The following KRABD3 variants were observed in gnomAD, a reference collection of about 807,000 sequenced individuals.
KRABD3 encodes KRAB domain containing 3, also known as KRAB domain-containing protein 3.
At chr7:149,720,212 C>A in the KRABD3 span, 1 of 1,451,370 alleles carries the variant, frequency 6.9e-7, no homozygotes, top group Non-Finnish European at 9.3e-7. Context: ...CCTACTCAGT[C>A]CAGCCTCTCA....
At chr7:149,715,350 G>A in the KRABD3 span, 2 of 1,193,848 alleles carry the variant, frequency 1.7e-6, no homozygotes, top group East Asian at 3.5e-5. Flanking sequence ...CTCGGAGGCA[G>A]TGAGTAAATC....
chr7:149,730,299 G>A, the KRABD3 span: 1 of 1,550,144 alleles, frequency 6.5e-7, no homozygotes, highest in South Asian at 1.2e-5. Flanking sequence ...TGAAGGAGAA[G>A]ACCCGAGGCC....
the KRABD3 span, chr7:149,734,310 C>A: frequency 4.0e-6 from 2 of 501,444 alleles, no homozygotes; most frequent in Non-Finnish European, 7.1e-6. Flanking sequence ...GTCTTTCCCA[C>A]TGGAGCCGCC....
At chr7:149,726,773 A>G in the KRABD3 span, among the ~76,000 whole-genome samples, 2 of 152,002 alleles carry the variant, frequency 1.3e-5, no homozygotes, top group Non-Finnish European at 2.9e-5. Context: ...TGGGTGGAGT[A>G]GCACCTGTAG....
At chr7:149,723,906 G>A in the KRABD3 span, 1 of 1,611,014 alleles carries the variant, frequency 6.2e-7, no homozygotes, top group African/African-American at 1.3e-5. Context: ...GCTTCTCGCT[G>A]GGCTGGGAGG....
the KRABD3 span, among the ~76,000 whole-genome samples, chr7:149,723,326 C>T: frequency 7.9e-5 from 12 of 152,340 alleles, no homozygotes; most frequent in Middle Eastern, 6.8e-3. Context: ...GAGTCAGACC[C>T]GGAGAGGCTC....
At chr7:149,725,238 G>A in the KRABD3 span, 4 of 1,417,260 alleles carry the variant, frequency 2.8e-6, no homozygotes, top group African/African-American at 1.4e-5. Flanking sequence ...AGCACGTCGG[G>A]TAGAGCCAGC....
chr7:149,719,615 C>G, the KRABD3 span: 1 of 1,607,118 alleles, frequency 6.2e-7, no homozygotes, highest in East Asian at 2.2e-5. This position sits in a 1 kb window ranked among gnomAD's most constrained non-coding sequence, Gnocchi z 5.6. Context: ...GGAGGAGGGG[C>G]AGAGGGAGTT....
chr7:149,731,792 C>T, the KRABD3 span: 3 of 1,583,078 alleles, frequency 1.9e-6, no homozygotes, highest in South Asian at 3.4e-5. Flanking sequence ...CTGGTGGCTT[C>T]CCCCATTCCC....
chr7:149,723,968 C>G, the KRABD3 span: 1 of 1,484,364 alleles, frequency 6.7e-7, no homozygotes, highest in Non-Finnish European at 9.2e-7. Flanking sequence ...TAGGTGGCCC[C>G]CACCACAAAC....
the KRABD3 span, chr7:149,733,968 T>C: frequency 1.2e-6 from 2 of 1,607,516 alleles, no homozygotes; most frequent in African/African-American, 1.3e-5. Context: ...CCGAGCAGCC[T>C]GCTGGGAGGA....
At chr7:149,721,035 C>T in the KRABD3 span, 29 of 1,602,368 alleles carry the variant, frequency 1.8e-5, no homozygotes, top group Middle Eastern at 3.3e-4. Flanking sequence ...CTCTGCACTC[C>T]GCATGATGAA....
the KRABD3 span, chr7:149,725,805 T>C: frequency 2.3e-6 from 3 of 1,327,456 alleles, no homozygotes; most frequent in Non-Finnish European, 3.0e-6. Context: ...GGCAGGGTCT[T>C]CTGGTGCCCG....
chr7:149,733,231 C>T, the KRABD3 span: 3 of 1,607,904 alleles, frequency 1.9e-6, no homozygotes, highest in Admixed American at 3.3e-5. Flanking sequence ...GGCTGCTCCC[C>T]CAGGGCCCGC....
At chr7:149,722,175 CG>C in the KRABD3 span, 1 of 540,806 alleles carries the variant, frequency 1.8e-6, no homozygotes, top group African/African-American at 1.9e-5. Flanking sequence ...TCAAGGCTGC[CG>C]GCATCACTTC....
chr7:149,719,733 G>A, the KRABD3 span: 41 of 1,548,882 alleles, frequency 2.6e-5, no homozygotes, highest in African/African-American at 2.7e-4. The surrounding 1 kb of genome is among the most constrained non-coding windows in gnomAD (Gnocchi z 5.6). Context: ...AAGGGAGGCC[G>A]GAGTCCCTGG....
chr7:149,730,065 C>T, the KRABD3 span: 58 of 1,419,384 alleles, frequency 4.1e-5, no homozygotes, highest in Non-Finnish European at 4.8e-5. Flanking sequence ...AAAAGGGGAC[C>T]GGTTCTGTGT....
chr7:149,733,294 G>T, the KRABD3 span: 1 of 1,612,550 alleles, frequency 6.2e-7, no homozygotes. Context: ...CGGAAGCTGC[G>T]CCTCCTGTGT....
the KRABD3 span, chr7:149,728,659 G>C: frequency 1.2e-6 from 2 of 1,613,528 alleles, no homozygotes; most frequent in Non-Finnish European, 8.5e-7. Context: ...CCAGGAACTG[G>C]ACAGCAGACA....
Sources: gnomAD v4.1 joint callset for allele counts (sites outside exome capture counted in the v4.1 genomes callset) on GRCh38, gnomAD v4.1.1 for gene constraint, Gnocchi (gnomAD v3.1) non-coding constraint, MANE v1.5 for transcripts, NCBI Gene and HGNC (gene_info 2026-07-23, HGNC 2026-07-21) for gene names.